PHLDB3: variants seen among roughly 807,000 people sequenced by gnomAD.
PHLDB3 encodes the protein pleckstrin homology-like domain family B member 3.
Under a neutral mutation model 85.7 loss-of-function variants are expected in PHLDB3, and 86 were observed. The ratio of observed to expected loss-of-function variants is 1.00; its 90% CI spans 0.84 to 1.20. The LOEUF is 1.20. Ranked by LOEUF, PHLDB3 falls within the 50% of genes most tolerant of loss-of-function variation. PHLDB3 has a pLI of 0.00. For missense variants in PHLDB3, 995 were observed against 873.0 expected (o/e 1.14, Z -1.76); for synonymous variants, 376 against 349.8 (o/e 1.07, Z -0.83).
chr19:43,497,973 A>G (rs955010596), intron 4 of PHLDB3, 97 bp from the exon 5 acceptor site: 31 of 1,475,860 alleles, frequency 2.1e-5, no homozygotes, highest in Non-Finnish European at 2.8e-5. Context: ...TCGGCTGTAC[A>G]AAGGCAGGGA....
At chr19:43,495,686 A>C in intron 6 of PHLDB3, 66 bp from the exon 7 acceptor site, 1 of 1,535,996 alleles carries the variant, frequency 6.5e-7, no homozygotes, top group Non-Finnish European at 8.8e-7. Context: ...ACAGAACCAC[A>C]TCTGCCTGGA....
chr19:43,501,525 G>A (rs1435419639), intron 4 of PHLDB3: 9 of 923,688 alleles, frequency 9.7e-6, no homozygotes, highest in East Asian at 5.4e-5. Flanking sequence ...AATAGCAAAC[G>A]GACAGGGGAC....
chr19:43,499,090 C>T (rs967602071), intron 4 of PHLDB3, among the ~76,000 whole-genome samples: 4 of 151,962 alleles, frequency 2.6e-5, no homozygotes, highest in African/African-American at 4.8e-5. Context: ...GCAGCTGCCT[C>T]GGGAGTCCTC....
Position 43,501,819 on chromosome 19 carries a change from G to A in PHLDB3, c.449C>T (p.Ala150Val), listed in dbSNP as rs1568485944. The A allele has an allele frequency of 1.9e-6, 3 of 1,588,368 alleles. No homozygotes were observed. Among genetic ancestry groups the A allele is most frequent in the Non-Finnish European group, 2.6e-6 (3 of 1,168,574 alleles). The change falls in exon 4 of 16, where the codon GCC (alanine) becomes GTC (valine). Residue 150 changes from alanine (A) to valine (V), a missense_variant. Coordinates refer to ENST00000292140, the MANE Select transcript of PHLDB3 (RefSeq NM_198850.4). ...CAGCTGCTCCTCCTCCCGGCGAGCG[G>A]CCACTCGCTCCCCAGCCAGCTCACC... is the stretch of plus-strand genomic sequence containing the variant. ...LRGELAGERV[A>V]ARREEEQLRE...
At chr19:43,480,382 T>G (rs1971021202) in intron 13 of PHLDB3, among the ~76,000 whole-genome samples, 1 of 150,060 alleles carries the variant, frequency 6.7e-6, no homozygotes, top group African/African-American at 2.5e-5. Context: ...CTTGAGGCTA[T>G]GAGTTGGAGA....
chr19:43,504,450 A>G (rs747035876), intron 1 of PHLDB3, 139 bp downstream of exon 1: 12 of 410,956 alleles, frequency 2.9e-5, no homozygotes, highest in Non-Finnish European at 4.8e-5. Context: ...AGCCCCCTAC[A>G]ATCTCTTGGA....
intron 13 of PHLDB3, chr19:43,486,018 C>T (rs1294112988): frequency 1.0e-6 from 1 of 985,348 alleles, no homozygotes; most frequent in Non-Finnish European, 1.2e-6. Context: ...ACATTGTCAC[C>T]AATGTACAGA....
chr19:43,504,171 C>T, intron 1 of PHLDB3, 39 bp from the exon 2 acceptor site: 1 of 1,509,732 alleles, frequency 6.6e-7, no homozygotes, highest in East Asian at 2.5e-5. Context: ...GGGGGCGGGG[C>T]CTAGGACGGC....
chr19:43,494,632 C>T lies in PHLDB3; in HGVS notation c.1149+70G>A, dbSNP rs1971398324. 1.0e-5 allele frequency: 13 copies of T among 1,281,026 alleles called. No homozygotes were observed. The Middle Eastern group carries it at 7.5e-4, about 74-fold the overall frequency. 79.4% of individuals were successfully genotyped at this position (1,281,026 alleles called of 1,614,324 possible). ...TTCTGGAGACCCCAGTTCGGGGACTCTGCTGTTAGCCCCTCCCTCCTCACT... is the reference window on the plus strand; with the variant it reads ...TTCTGGAGACCCCAGTTCGGGGACTTTGCTGTTAGCCCCTCCCTCCTCACT... On this transcript the variant is annotated intron_variant, in intron 9 of 15. Coordinates refer to ENST00000292140, the MANE Select transcript of PHLDB3 (RefSeq NM_198850.4).
At chr19:43,479,316 G>A (rs1244770400) in intron 14 of PHLDB3, 61 bp downstream of exon 14, 36 of 1,503,094 alleles carry the variant, frequency 2.4e-5, no homozygotes, top group Non-Finnish European at 3.0e-5. Flanking sequence ...GCCTGTAGAG[G>A]AAAGGCCTCC....
At chr19:43,488,875 T>C (rs1049089533) in intron 9 of PHLDB3, among the ~76,000 whole-genome samples, 1 of 151,920 alleles carries the variant, frequency 6.6e-6, no homozygotes, top group East Asian at 1.9e-4. Flanking sequence ...TCTCGGCTCA[T>C]TGCAACCTCC....
intron 13 of PHLDB3, among the ~76,000 whole-genome samples, chr19:43,485,490 C>T (rs1390497298): frequency 1.3e-5 from 2 of 151,586 alleles, no homozygotes; most frequent in East Asian, 1.9e-4. Flanking sequence ...GGATTACAGG[C>T]GTGAGCCACT....
At chr19:43,490,037 G>A (rs1971277738) in intron 9 of PHLDB3, among the ~76,000 whole-genome samples, 1 of 132,974 alleles carries the variant, frequency 7.5e-6, no homozygotes, top group South Asian at 2.9e-4. Flanking sequence ...GAGCAAGAGA[G>A]AGAAAAAGGA....
chr19:43,497,503 G>A (rs1304061574), intron 5 of PHLDB3, among the ~76,000 whole-genome samples: 4 of 152,088 alleles, frequency 2.6e-5, no homozygotes, highest in Non-Finnish European at 4.4e-5. Flanking sequence ...TCACCTGTCA[G>A]GAGTTCGAAA....
At chr19:43,501,925 G>T in intron 3 of PHLDB3, 54 bp from the exon 4 acceptor site, 1 of 1,525,638 alleles carries the variant, frequency 6.6e-7, no homozygotes. Flanking sequence ...CAAGGAAGAG[G>T]CCCAGGGCCT....
At chr19:43,485,962 G>A (rs1971145285) in intron 13 of PHLDB3, 2 of 985,048 alleles carry the variant, frequency 2.0e-6, no homozygotes, top group South Asian at 9.4e-5. Context: ...TTGAGGCCAG[G>A]AATAAGTCCC....
chr19:43,499,166 C>T (rs1971533114), intron 4 of PHLDB3, among the ~76,000 whole-genome samples: 1 of 151,698 alleles, frequency 6.6e-6, no homozygotes, highest in South Asian at 2.1e-4. Flanking sequence ...ATGGACTAGA[C>T]AGAGAGGATC....
chr19:43,501,366 G>A (rs1290492550), intron 4 of PHLDB3, among the ~76,000 whole-genome samples: 2 of 151,812 alleles, frequency 1.3e-5, no homozygotes, highest in African/African-American at 4.8e-5. Context: ...GTATTTTTAA[G>A]CAGAGACGGG....
chr19:43,500,920 A>G (rs2355993), intron 4 of PHLDB3, among the ~76,000 whole-genome samples: 302 of 20,212 alleles, frequency 0.015, 61 homozygotes, highest in African/African-American at 0.045. Flanking sequence ...CCCCCCCCCC[A>G]CCCCGCAAGT....
Sources: allele counts gnomAD v4.1 joint callset (sites outside exome capture counted in the v4.1 genomes callset), GRCh38; gene constraint gnomAD v4.1.1; transcripts MANE v1.5; gene names NCBI Gene and HGNC (gene_info 2026-07-23, HGNC 2026-07-21).